ZNF536: variants seen among roughly 807,000 people sequenced by gnomAD.
ZNF536 encodes the protein zinc finger protein 536.
A neutral mutation model predicts 84.5 loss-of-function variants in ZNF536; 13 were observed. The observed-to-expected ratio is 0.15, with a 90% CI of 0.10 to 0.24. The LOEUF (loss-of-function observed/expected upper bound fraction) is 0.24, where lower values mean the gene tolerates loss of function less well. Ranked by LOEUF, ZNF536 falls within the 10% of genes least tolerant of loss-of-function variation. The pLI, the probability that ZNF536 is intolerant of heterozygous loss-of-function variation, is 1.00. For missense variants in ZNF536, 1,536 were observed against 1,747.5 expected (o/e 0.88, Z 2.16); for synonymous variants, 811 against 742.5 (o/e 1.09, Z -1.50).
In ZNF536 at chr19:30,437,589, G is replaced by A. The variant is rs117530571; in HGVS notation, c.-2-5972G>A. ...GCAGCACAGGGGTTTCCACACTGTC[G>A]TGAAGAATCCTGTGGCCACCGAGAG... On this transcript the variant is annotated intron_variant, in intron 1 of 4. Coordinates refer to ENST00000355537, the MANE Select transcript of ZNF536 (RefSeq NM_014717.3). Among the ~76,000 whole-genome samples, 370 of 149,706 alleles carry A rather than the reference G, an allele frequency of 2.5e-3. 14 individuals are homozygous for A. In the East Asian group the frequency reaches 0.063, roughly 25 times the overall value.
intron 2 of ZNF536, among the ~76,000 whole-genome samples, chr19:30,524,656 C>T (rs1006004709): frequency 1.3e-5 from 2 of 152,178 alleles, no homozygotes; most frequent in African/African-American, 2.4e-5. Context: ...TTCCTGGTGT[C>T]ATTTAGGTAA....
intron 1 of ZNF536, among the ~76,000 whole-genome samples, chr19:30,685,780 A>G (rs1289626705): frequency 1.3e-5 from 2 of 152,102 alleles, no homozygotes; most frequent in Non-Finnish European, 2.9e-5. Context: ...CCCCTCCATC[A>G]TGGGCTGGGA....
intron 1 of ZNF536, among the ~76,000 whole-genome samples, chr19:30,270,133 A>G (rs1367381225): frequency 1.3e-5 from 2 of 152,180 alleles, no homozygotes; most frequent in Non-Finnish European, 2.9e-5. Flanking sequence ...CGCAGGGCCT[A>G]TGTGTTTGAT....
At chr19:30,273,654 T>C (rs2025973122) in intron 1 of ZNF536, among the ~76,000 whole-genome samples, 1 of 152,256 alleles carries the variant, frequency 6.6e-6, no homozygotes, top group Non-Finnish European at 1.5e-5. Flanking sequence ...ATCAGATATG[T>C]GTTTTGCAAA....
chr19:30,435,874 G>GT (rs1349068523), intron 1 of ZNF536, among the ~76,000 whole-genome samples: 1 of 152,110 alleles, frequency 6.6e-6, no homozygotes, highest in Non-Finnish European at 1.5e-5. Context: ...CTGGGCTGCA[G>GT]TTTTAGCAGA....
At chr19:30,565,022 G>A (rs1191071020) in intron 1 of ZNF536, among the ~76,000 whole-genome samples, 1 of 152,104 alleles carries the variant, frequency 6.6e-6, no homozygotes, top group Non-Finnish European at 1.5e-5. Context: ...CGCCTTGTCC[G>A]GGAAGAACTC....
chr19:30,372,319 T>C, upstream of ZNF536: 1 of 152,224 alleles, frequency 6.6e-6, no homozygotes, highest in East Asian at 1.9e-4. Context: ...CTCTCTTGTG[T>C]GATTTTGCTG....
chr19:30,704,792 C>T (rs2052154947), intron 1 of ZNF536, among the ~76,000 whole-genome samples: 2 of 152,110 alleles, frequency 1.3e-5, no homozygotes, highest in Admixed American at 1.3e-4. Flanking sequence ...TTCTTCCAAA[C>T]CCACAGCCCC....
chr19:30,677,152 G>A (rs901360204), intron 1 of ZNF536, among the ~76,000 whole-genome samples: 4 of 152,222 alleles, frequency 2.6e-5, no homozygotes, highest in Non-Finnish European at 5.9e-5. Context: ...TACCTGCTGG[G>A]CTGCCGCAAT....
chr19:30,490,816 T>G (rs1344933531), intron 2 of ZNF536, among the ~76,000 whole-genome samples: 2 of 152,194 alleles, frequency 1.3e-5, no homozygotes, highest in African/African-American at 2.4e-5. Flanking sequence ...AAACTTAAAG[T>G]GAAAACTTTG....
At chr19:30,428,209 G>T (rs1387123866) in intron 1 of ZNF536, among the ~76,000 whole-genome samples, 1 of 152,200 alleles carries the variant, frequency 6.6e-6, no homozygotes, top group Non-Finnish European at 1.5e-5. Flanking sequence ...GTGATTGCAG[G>T]CCTGATAGAG....
At chr19:30,525,456 C>T (rs2044536108) in intron 2 of ZNF536, among the ~76,000 whole-genome samples, 1 of 152,196 alleles carries the variant, frequency 6.6e-6, no homozygotes, top group Non-Finnish European at 1.5e-5. Context: ...TTATAAAGCA[C>T]CTGCTATGAG....
intron 1 of ZNF536, among the ~76,000 whole-genome samples, chr19:30,401,346 G>C (rs2050038022): frequency 6.6e-6 from 1 of 152,096 alleles, no homozygotes; most frequent in Admixed American, 6.5e-5. Context: ...TACATATCTT[G>C]ATATTTGAGA....
intron 2 of ZNF536, among the ~76,000 whole-genome samples, chr19:30,314,526 C>T (rs866208815): frequency 1.3e-4 from 20 of 152,290 alleles, no homozygotes; most frequent in Middle Eastern, 3.4e-3. Flanking sequence ...AAGAGCCACA[C>T]CGTGTTCCCA....
At chr19:30,466,818 G>T (rs1269353463) in intron 2 of ZNF536, among the ~76,000 whole-genome samples, 2 of 140,042 alleles carry the variant, frequency 1.4e-5, no homozygotes, top group South Asian at 2.3e-4. Context: ...GGAAGGGAAG[G>T]AAACTTACCA....
Position 30,624,338 on chromosome 19 carries a change from G to A in ZNF536, c.169+74824G>A, listed in dbSNP as rs115639373. ...GACCTGTGCCTGTTTCTGGAATCTA[G>A]AGCCTGCCTTGAGCCTCAGGGTGCT... On this transcript the variant is annotated intron_variant, in intron 1 of 1. Transcript: ENST00000592773. Among the ~76,000 whole-genome samples, 1,175 of 152,230 alleles carry A rather than the reference G, an allele frequency of 7.7e-3. 19 individuals carry two copies. Among genetic ancestry groups the A allele is most frequent in the African/African-American group, 0.026 (1,100 of 41,530 alleles).
intron 1 of ZNF536, among the ~76,000 whole-genome samples, chr19:30,395,937 A>G (rs80191811): frequency 0.03 from 4,572 of 152,292 alleles, 95 homozygotes; most frequent in Non-Finnish European, 0.048. Context: ...ATCCCCCACT[A>G]CATCAGTACA....
intron 2 of ZNF536, among the ~76,000 whole-genome samples, chr19:30,340,646 A>G (rs565585563): frequency 6.6e-6 from 1 of 152,244 alleles, no homozygotes; most frequent in Admixed American, 6.5e-5. Flanking sequence ...CTAAATTATC[A>G]TCATCTCCTA....
At chr19:30,275,939 C>A (rs1039943543) in intron 1 of ZNF536, among the ~76,000 whole-genome samples, 2 of 152,118 alleles carry the variant, frequency 1.3e-5, no homozygotes, top group African/African-American at 4.8e-5. Context: ...TCAACCTGCA[C>A]TGAATCACCG....
Sources: gnomAD v4.1 joint callset for allele counts (sites outside exome capture counted in the v4.1 genomes callset) on GRCh38, gnomAD v4.1.1 for gene constraint, MANE v1.5 for transcripts, NCBI Gene and HGNC (gene_info 2026-07-23, HGNC 2026-07-21) for gene names.